Variants in CNTN6 observed in about 807,000 individuals in gnomAD.
CNTN6 encodes the protein contactin 6.
Under a neutral mutation model 122.8 loss-of-function variants are expected in CNTN6, and 137 were observed. The ratio of observed to expected loss-of-function variants is 1.12; its 90% CI spans 0.97 to 1.29. The LOEUF (loss-of-function observed/expected upper bound fraction) is 1.29. Among genes scored for constraint, CNTN6 ranks in the 50% most tolerant of loss-of-function variants. The probability of loss-of-function intolerance (pLI) is 0.00; values close to 1 mark genes in which losing one functional copy is unlikely to be tolerated. For missense variants in CNTN6, 1,634 were observed against 1,223.4 expected, an observed-to-expected ratio of 1.34 and a Z score of -5.01; for synonymous variants, 570 against 426.0, an observed-to-expected ratio of 1.34 and a Z score of -4.16.
intron 5 of CNTN6, among the ~76,000 whole-genome samples, chr3:1,280,553 C>A (rs564320456): frequency 1.4e-5 from 2 of 144,840 alleles, no homozygotes; most frequent in Non-Finnish European, 3.0e-5. Context: ...CAACCTCTGC[C>A]TCCTGGGTTC....
intron 12 of CNTN6, among the ~76,000 whole-genome samples, chr3:1,364,518 A>AAAAC (rs541777265): frequency 1.7e-4 from 26 of 151,776 alleles, no homozygotes; most frequent in African/African-American, 6.0e-4. Context: ...AAAAAAAAAC[A>AAAAC]AAACAAACAA....
chr3:1,393,620 A>T (rs2126234715), intron 20 of CNTN6, among the ~76,000 whole-genome samples: 1 of 151,392 alleles, frequency 6.6e-6, no homozygotes, highest in South Asian at 2.1e-4. Flanking sequence ...CAAAATCAAG[A>T]GTGATTAGAA....
At chr3:1,291,266 C>G (rs1281079086) in intron 5 of CNTN6, among the ~76,000 whole-genome samples, 1 of 152,108 alleles carries the variant, frequency 6.6e-6, no homozygotes, top group African/African-American at 2.4e-5. Flanking sequence ...TTCCCTATTT[C>G]TGGATTAGAT....
chr3:1,325,130 CTT>C (rs1401559137), intron 8 of CNTN6, among the ~76,000 whole-genome samples: 1 of 151,806 alleles, frequency 6.6e-6, no homozygotes, highest in Non-Finnish European at 1.5e-5. Context: ...ATAATACAAT[CTT>C]ACTTTCACGT....
chr3:1,314,629 G>T (rs112590894), intron 7 of CNTN6, among the ~76,000 whole-genome samples: 8 of 152,184 alleles, frequency 5.3e-5, no homozygotes, highest in Non-Finnish European at 1.0e-4. Context: ...AGGTCAGATG[G>T]TTAAGAAGTG....
At chr3:1,260,020 G>C (rs1262603446) in intron 4 of CNTN6, among the ~76,000 whole-genome samples, 2 of 152,084 alleles carry the variant, frequency 1.3e-5, no homozygotes, top group South Asian at 4.1e-4. Flanking sequence ...GAGTTCTTAA[G>C]GGTCATGTAG....
intron 4 of CNTN6, among the ~76,000 whole-genome samples, chr3:1,276,840 C>T (rs1261972428): frequency 1.3e-5 from 2 of 152,104 alleles, no homozygotes; most frequent in African/African-American, 4.8e-5. Context: ...GTTGACGTTC[C>T]AGATTAGCTA....
chr3:1,195,169 C>A (rs1157694036), intron 2 of CNTN6, among the ~76,000 whole-genome samples: 1 of 152,142 alleles, frequency 6.6e-6, no homozygotes, highest in Non-Finnish European at 1.5e-5. Flanking sequence ...CTAGCCATTT[C>A]TAAGCCTTCT....
chr3:1,304,250 T>G (rs1403446648), intron 7 of CNTN6, among the ~76,000 whole-genome samples: 1 of 151,948 alleles, frequency 6.6e-6, no homozygotes, highest in South Asian at 2.1e-4. Flanking sequence ...GGATCATACT[T>G]TTGTGTTGCC....
rs1479282634 is a variant in CNTN6, at chr3:1,352,403, A to G, written c.1444A>G (p.Thr482Ala). ...TGCTGGATCATATACATGCATAGCC[A>G]CAAATCAGTTTGGCACTGCAAAGAA... The part of the protein sequence containing the change: ...SDAGSYTCIA[T>A]NQFGTAKNTG... Residue 482 changes from threonine (T) to alanine (A), a missense_variant, in exon 12 of 23, where the codon ACA (threonine) becomes GCA (alanine). Coordinates refer to ENST00000446702, the MANE Select transcript of CNTN6 (RefSeq NM_001289080.2). The G allele has an allele frequency of 6.2e-7, 1 of 1,609,340 alleles. No individual in the cohort carries two copies. Among genetic ancestry groups the G allele is most frequent in the Admixed American group, 1.7e-5 (1 of 59,630 alleles).
intron 7 of CNTN6, among the ~76,000 whole-genome samples, chr3:1,318,289 A>C (rs1369006456): frequency 2.0e-5 from 3 of 147,330 alleles, no homozygotes; most frequent in African/African-American, 7.6e-5. Context: ...TTCACAATTC[A>C]TGGTTTTTCA....
intron 17 of CNTN6, among the ~76,000 whole-genome samples, chr3:1,379,583 T>A (rs1225445506): frequency 6.6e-6 from 1 of 151,518 alleles, no homozygotes; most frequent in African/African-American, 2.4e-5. Context: ...AAAGTTGAAT[T>A]TTTTTTTTAA....
intron 1 of CNTN6, among the ~76,000 whole-genome samples, chr3:1,116,464 CTTAAA>C (rs2091722515): frequency 6.6e-6 from 1 of 152,028 alleles, no homozygotes; most frequent in Non-Finnish European, 1.5e-5. Flanking sequence ...ATTATTAACT[CTTAAA>C]TAAAAAAGCA....
chr3:1,373,343 G>C (rs1339104257), intron 14 of CNTN6, among the ~76,000 whole-genome samples: 2 of 151,994 alleles, frequency 1.3e-5, no homozygotes, highest in Admixed American at 6.6e-5. Flanking sequence ...TAAAGATGAT[G>C]GTTCTCAATC....
intron 2 of CNTN6, among the ~76,000 whole-genome samples, chr3:1,172,180 G>C (rs2093368924): frequency 6.6e-6 from 1 of 152,096 alleles, no homozygotes; most frequent in African/African-American, 2.4e-5. Context: ...TCCCAACTTT[G>C]TACCTACTTT....
chr3:1,236,018 G>T (rs936916081), intron 4 of CNTN6, among the ~76,000 whole-genome samples: 2 of 152,004 alleles, frequency 1.3e-5, no homozygotes, highest in African/African-American at 4.8e-5. Flanking sequence ...AACTCCATCG[G>T]ACTGGGAACT....
intron 12 of CNTN6, among the ~76,000 whole-genome samples, chr3:1,354,777 TTCAGGG>T (rs1177666882): frequency 1.3e-5 from 2 of 151,530 alleles, no homozygotes; most frequent in East Asian, 3.9e-4. Flanking sequence ...TTTTCAATTT[TTCAGGG>T]TCTGAGCTTC....
chr3:1,142,986 A>ATATATATATG (rs1559389088), intron 1 of CNTN6, among the ~76,000 whole-genome samples: 27 of 144,310 alleles, frequency 1.9e-4, no homozygotes, highest in African/African-American at 6.4e-4. Context: ...ATATATATAT[A>ATATATATATG]TATATATATA....
At chr3:1,350,846 T>G (rs1292157143) in intron 11 of CNTN6, among the ~76,000 whole-genome samples, 1 of 151,866 alleles carries the variant, frequency 6.6e-6, no homozygotes, top group Non-Finnish European at 1.5e-5. Flanking sequence ...ACCCAAAAGC[T>G]TCTCACATTT....
Sources: gnomAD v4.1 joint callset for allele counts (sites outside exome capture counted in the v4.1 genomes callset) on GRCh38, gnomAD v4.1.1 for gene constraint, MANE v1.5 for transcripts, NCBI Gene and HGNC (gene_info 2026-07-23, HGNC 2026-07-21) for gene names.